The following NLRC5 variants were observed in gnomAD, a reference collection of about 807,000 sequenced individuals.
NLRC5 encodes the protein NLR family CARD domain containing 5.
In NLRC5, 114 loss-of-function variants were observed where a neutral mutation model predicts 206.9. The ratio of observed to expected loss-of-function variants is 0.55; its 90% confidence interval spans 0.47 to 0.64. The LOEUF (loss-of-function observed/expected upper bound fraction) is 0.64, where lower values mean the gene tolerates loss of function less well. Among genes scored for constraint, NLRC5 ranks in the 30% least tolerant of loss-of-function variants. The pLI, the probability that NLRC5 is intolerant of heterozygous loss-of-function variation, is 0.00. For synonymous variants in NLRC5, 952 were observed against 962.8 expected (o/e 0.99, Z 0.21); for missense variants, 2,008 against 2,305.5 (o/e 0.87, Z 2.64).
chr16:57,069,958 A>C, intron 37 of NLRC5, 39 bp downstream of exon 37: 3 of 1,519,610 alleles, frequency 2.0e-6, no homozygotes, highest in Non-Finnish European at 2.7e-6. Flanking sequence ...CAAGTGGCCC[A>C]GCTGAGGGTG....
At position 57,042,033 on chromosome 16, in the gene NLRC5, G is replaced by A. The variant is rs137924216; in HGVS notation, c.3081G>A (p.Leu1027=). ...AAGGTGCAGCCCGGCTGGCTCAGCTGCTCCCAGGGCTGGGAGCTCTGCAGT... is the reference window on the plus strand; with the variant it reads ...AAGGTGCAGCCCGGCTGGCTCAGCTACTCCCAGGGCTGGGAGCTCTGCAGT... ...GDEGAARLAQ[L]LPGLGALQSL... is the part of the protein sequence containing the mutation. Residue 1027 remains leucine (L), a synonymous_variant, in exon 19 of 49, where the codon CTG becomes CTA. Coordinates refer to ENST00000688547, the MANE Select transcript of NLRC5 (RefSeq NM_001384950.1). 1.0e-5 allele frequency: 16 copies of A among 1,569,756 alleles called. No individual in the cohort carries two copies. In the African/African-American group the frequency reaches 1.7e-4, roughly 16 times the overall value.
chr16:57,022,757 G>A (rs981014464), intron 4 of NLRC5, among the ~76,000 whole-genome samples: 2 of 152,240 alleles, frequency 1.3e-5, no homozygotes, highest in Admixed American at 6.5e-5. Flanking sequence ...GAAGGAGCTC[G>A]GAAGGGCCAG....
At position 57,007,488 on chromosome 16, in the gene NLRC5, C is replaced by G. The variant is rs1270930647; in HGVS notation, c.-127-9586C>G. Among the ~76,000 whole-genome samples the G allele has an allele frequency of 4.0e-5, 6 of 151,654 alleles. No individual in the cohort carries two copies. In the East Asian group the frequency reaches 9.6e-4, roughly 24 times the overall value. ...CTGTAACCCCAGCACTTTGGGAGGC[C>G]GAGGCAGGTAGATCACCTGAGGTCA... is the stretch of plus-strand genomic sequence containing the variant. On this transcript the variant is annotated intron_variant, in intron 1 of 48. Transcript: ENST00000688547.
At chr16:57,045,572 C>A in intron 21 of NLRC5, 80 bp downstream of exon 21, 1 of 1,370,328 alleles carries the variant, frequency 7.3e-7, no homozygotes, top group South Asian at 1.2e-5. Flanking sequence ...ACCCCCAGAC[C>A]CATGCTGACC....
intron 15 of NLRC5, among the ~76,000 whole-genome samples, chr16:57,038,089 T>A (rs1218932317): frequency 1.3e-5 from 2 of 152,050 alleles, no homozygotes; most frequent in African/African-American, 2.4e-5. Flanking sequence ...GATGTTCACC[T>A]CAGTATTGGT....
At chr16:57,064,615 T>A (rs543991758) in intron 32 of NLRC5, among the ~76,000 whole-genome samples, 1 of 152,312 alleles carries the variant, frequency 6.6e-6, no homozygotes, top group East Asian at 1.9e-4. Flanking sequence ...ATTATGTGAA[T>A]CTTTTCTTAA....
At position 57,061,938 on chromosome 16, in the gene NLRC5, GA is replaced by G. The variant is rs768631460; in HGVS notation, c.4154+240del. 38 of 1,505,860 alleles carry G rather than the reference GA, an allele frequency of 2.5e-5. No individual in the cohort carries two copies. The East Asian group carries it at 5.6e-4, about 22-fold the overall frequency. The allele number at this position is 1,505,860 out of a possible 1,614,324, so 93.3% of individuals were successfully genotyped here. A position where few individuals can be genotyped will look rare whatever the true frequency, so the allele number is the denominator to read the frequency against. On this transcript the variant is annotated intron_variant, in intron 32 of 48. Coordinates refer to ENST00000688547, the MANE Select transcript of NLRC5 (RefSeq NM_001384950.1). ...CTTTGGGATTTAAGAAAAAAAGAAAGAAAGAAAGAAAGAAGGTTTCAGAGGA... is the reference window on the plus strand; with the variant it reads ...CTTTGGGATTTAAGAAAAAAAGAAAGAAGAAAGAAAGAAGGTTTCAGAGGA...
chr16:57,030,477 T>A, intron 10 of NLRC5, among the ~76,000 whole-genome samples: 1 of 141,476 alleles, frequency 7.1e-6, no homozygotes, highest in Non-Finnish European at 1.6e-5. Context: ...AAAAGATGGA[T>A]GGGTGGATGA....
intron 24 of NLRC5, 152 bp from the exon 25 acceptor site, chr16:57,054,599 C>T (rs1159471506): frequency 2.8e-6 from 2 of 709,994 alleles, no homozygotes; most frequent in East Asian, 5.0e-5. Context: ...TCTGCCTGTC[C>T]CTCAGCCCTA....
chr16:57,058,263 G>T (rs1158881309), intron 28 of NLRC5, 115 bp downstream of exon 28: 5 of 862,828 alleles, frequency 5.8e-6, no homozygotes, highest in Non-Finnish European at 7.4e-6. Flanking sequence ...GACAAGGACT[G>T]TGGAGGGCAA....
chr16:57,058,617 G>A (rs745661174), intron 28 of NLRC5: 1 of 346,934 alleles, frequency 2.9e-6, no homozygotes, highest in Non-Finnish European at 5.4e-6. Context: ...CTGCTGGAGT[G>A]ACAGCCAGCT....
chr16:57,042,354 G>A (rs1450594027), intron 19 of NLRC5, among the ~76,000 whole-genome samples: 4 of 152,260 alleles, frequency 2.6e-5, no homozygotes, highest in East Asian at 1.9e-4. Context: ...GTGTGGGTGC[G>A]AAGTATGACT....
At chr16:57,031,743 G>T (rs1308611613) in intron 11 of NLRC5, among the ~76,000 whole-genome samples, 1 of 147,188 alleles carries the variant, frequency 6.8e-6, no homozygotes, top group Non-Finnish European at 1.5e-5. Context: ...TGTTAGACTG[G>T]CATTACTAGA....
At chr16:56,994,025 G>A (rs2057293631) in intron 1 of NLRC5, among the ~76,000 whole-genome samples, 1 of 151,492 alleles carries the variant, frequency 6.6e-6, no homozygotes, top group Non-Finnish European at 1.5e-5. Context: ...TCACCATAAT[G>A]GTGAAGGAAA....
At chr16:57,067,286 C>T (rs1380345431) in intron 34 of NLRC5, 101 bp from the exon 35 acceptor site, 1 of 918,596 alleles carries the variant, frequency 1.1e-6, no homozygotes, top group African/African-American at 1.6e-5. Context: ...ATTTGATCAG[C>T]ATTTATTTAC....
At chr16:57,035,348 T>C (rs1292255494) in intron 13 of NLRC5, among the ~76,000 whole-genome samples, 1 of 152,050 alleles carries the variant, frequency 6.6e-6, no homozygotes, top group Non-Finnish European at 1.5e-5. Context: ...AGAGAGTAGA[T>C]CACTTTTCAC....
At position 57,081,453 on chromosome 16, in the gene NLRC5, G is replaced by A. The variant is rs959425575; in HGVS notation, c.5406-74G>A. ...GTCCCCTGACCTTGGCCTGAGGAAGGGACCTAGGAAACTCTCACACCCATT... is the reference window on the plus strand; with the variant it reads ...GTCCCCTGACCTTGGCCTGAGGAAGAGACCTAGGAAACTCTCACACCCATT... On this transcript the variant is annotated intron_variant, in intron 47 of 48. Transcript: ENST00000688547. 9.9e-6 allele frequency: 14 copies of A among 1,413,434 alleles called. No individual in the cohort carries two copies. The South Asian group carries it at 1.6e-4, about 16-fold the overall frequency. 87.6% of individuals were successfully genotyped at this position (1,413,434 alleles called of 1,614,324 possible). A position where few individuals can be genotyped will look rare whatever the true frequency, so the allele number is the denominator to read the frequency against.
rs993607313 is a variant in NLRC5, at chr16:57,081,145, A to C, written c.5369A>C (p.Gln1790Pro). 4.5e-6 allele frequency: 7 copies of C among 1,545,508 alleles called. No individual in the cohort carries two copies. Among genetic ancestry groups the C allele is most frequent in the Non-Finnish European group, 6.1e-6 (7 of 1,147,782 alleles). Residue 1790 changes from glutamine (Q) to proline (P), a missense_variant, in exon 47 of 49, where the codon CAG becomes CCG. Transcript: ENST00000688547. ...LGDEAAAELA[Q>P]VLPQMGRLKR... ...GATGAGGCAGCTGCCGAGCTGGCCC[A>C]GGTGCTGCCGCAGATGGGCCGGCTG... is the stretch of plus-strand genomic sequence containing the variant.
At chr16:57,013,614 T>C in intron 1 of NLRC5, 2 of 1,067,426 alleles carry the variant, frequency 1.9e-6, no homozygotes, top group South Asian at 2.5e-5. Flanking sequence ...AGCAAGGTCA[T>C]TAACTGGGCC....
Sources: allele counts gnomAD v4.1 joint callset (sites outside exome capture counted in the v4.1 genomes callset), GRCh38; gene constraint gnomAD v4.1.1; transcripts MANE v1.5; gene names NCBI Gene and HGNC (gene_info 2026-07-23, HGNC 2026-07-21).